The following LIMD1 variants were observed in gnomAD, a reference collection of about 807,000 sequenced individuals.
LIMD1 encodes the protein LIM domain containing 1, also known as LIM domain-containing protein 1.
LIMD1 carries 23 observed loss-of-function variants against 58.4 expected under a neutral mutation model. The ratio of observed to expected loss-of-function variants is 0.39; its 90% CI spans 0.28 to 0.56. LIMD1 has a LOEUF of 0.56. LIMD1 is among the 20% of genes least tolerant of loss of function. LIMD1 has a pLI of 0.57. For missense variants in LIMD1, 838 were observed against 855.5 expected (o/e 0.98, Z 0.25); for synonymous variants, 334 against 345.5 (o/e 0.97, Z 0.37).
At chr3:45,624,855 C>A (rs956389345) in intron 1 of LIMD1, among the ~76,000 whole-genome samples, 1 of 150,644 alleles carries the variant, frequency 6.6e-6, no homozygotes, top group Non-Finnish European at 1.5e-5. Flanking sequence ...AGCCAACTGT[C>A]TTGCTAAGGG....
intron 1 of LIMD1, among the ~76,000 whole-genome samples, chr3:45,631,031 C>T (rs1397283094): frequency 1.3e-5 from 2 of 152,040 alleles, no homozygotes; most frequent in Non-Finnish European, 2.9e-5. Context: ...TGGAGAAACC[C>T]CGTCTCTACT....
intron 1 of LIMD1, among the ~76,000 whole-genome samples, chr3:45,603,464 G>A (rs1410851233): frequency 1.3e-5 from 2 of 151,918 alleles, no homozygotes; most frequent in African/African-American, 2.4e-5. Flanking sequence ...ATATGATGAC[G>A]TGGGGACTGC....
chr3:45,675,939 G>C (rs183410719), intron 7 of LIMD1, among the ~76,000 whole-genome samples: 13 of 152,182 alleles, frequency 8.5e-5, no homozygotes, highest in African/African-American at 3.1e-4. Context: ...GGGTGACACA[G>C]CAAGACCCTG....
At chr3:45,662,000 C>T (rs934813358) in intron 2 of LIMD1, among the ~76,000 whole-genome samples, 1 of 152,190 alleles carries the variant, frequency 6.6e-6, no homozygotes, top group African/African-American at 2.4e-5. Context: ...TCAAGTGATC[C>T]TCCCACCTTG....
At position 45,677,212 on chromosome 3, in the gene LIMD1, C is replaced by G; in HGVS notation, c.*153C>G. 1.3e-6 allele frequency: 1 copy of G among 772,630 alleles called. No homozygotes were observed. Among genetic ancestry groups the G allele is most frequent in the South Asian group, 1.8e-5 (1 of 56,202 alleles). 47.9% of individuals were successfully genotyped at this position (772,630 alleles called of 1,614,324 possible). A position where few individuals can be genotyped will look rare whatever the true frequency, so the allele number is the denominator to read the frequency against. On this transcript the variant is annotated 3_prime_UTR_variant, in exon 8 of 8. Coordinates refer to ENST00000273317, the MANE Select transcript of LIMD1 (RefSeq NM_014240.3). ...ATGTGGGGGGTGCCTTTCCTTTAAC[C>G]AGGGAGGTGAACACTACCTGCCTCC...
chr3:45,608,903 G>A (rs1046315253), intron 1 of LIMD1, among the ~76,000 whole-genome samples: 21 of 151,284 alleles, frequency 1.4e-4, no homozygotes, highest in African/African-American at 5.1e-4. Flanking sequence ...TTAGTGATAA[G>A]GTTCAAAATA....
At chr3:45,635,823 T>A in intron 1 of LIMD1, 1 of 911,172 alleles carries the variant, frequency 1.1e-6, no homozygotes, top group Non-Finnish European at 1.3e-6. Context: ...GTGCAATCTT[T>A]CTGAACTGTC....
At chr3:45,670,227 T>C (rs1697572285) in intron 4 of LIMD1, among the ~76,000 whole-genome samples, 1 of 152,230 alleles carries the variant, frequency 6.6e-6, no homozygotes, top group Non-Finnish European at 1.5e-5. Flanking sequence ...CTACTTCATA[T>C]GAAGTCAACA....
intron 7 of LIMD1, among the ~76,000 whole-genome samples, chr3:45,674,820 G>A (rs1697646769): frequency 6.6e-6 from 1 of 152,128 alleles, no homozygotes; most frequent in East Asian, 1.9e-4. Context: ...GCTGAGCCCT[G>A]GAAATCATGA....
At chr3:45,660,935 CTGA>C (rs1357903993) in intron 2 of LIMD1, among the ~76,000 whole-genome samples, 1 of 152,166 alleles carries the variant, frequency 6.6e-6, no homozygotes, top group Non-Finnish European at 1.5e-5. Context: ...CAAGGGGGTT[CTGA>C]TGATGATCCC....
At chr3:45,598,788 T>C (rs954794419) in intron 1 of LIMD1, among the ~76,000 whole-genome samples, 3 of 152,172 alleles carry the variant, frequency 2.0e-5, no homozygotes, top group African/African-American at 4.8e-5. Context: ...GGCAGGAGAC[T>C]GGACCATGTG....
chr3:45,673,236 A>G (rs927877509), intron 5 of LIMD1, among the ~76,000 whole-genome samples: 1 of 152,168 alleles, frequency 6.6e-6, no homozygotes, highest in Admixed American at 6.5e-5. Flanking sequence ...TGCTGTCCCC[A>G]GAAGAGTGAG....
chr3:45,596,893 G>A (rs1042462335), intron 1 of LIMD1, among the ~76,000 whole-genome samples: 7 of 144,096 alleles, frequency 4.9e-5, no homozygotes, highest in South Asian at 4.3e-4. Flanking sequence ...ATGGAGTCTC[G>A]TTCTGTAGCC....
Position 45,595,561 on chromosome 3 carries a change from A to T in LIMD1, c.682A>T (p.Asn228Tyr), listed in dbSNP as rs749654685. The T allele has an allele frequency of 6.2e-7, 1 of 1,613,912 alleles. No homozygotes were observed. Among genetic ancestry groups the T allele is most frequent in the Non-Finnish European group, 8.5e-7 (1 of 1,179,972 alleles). Residue 228 changes from asparagine (N) to tyrosine (Y), a missense_variant, in exon 1 of 8, where the codon AAT becomes TAT. By Grantham distance (143) the Asn-to-Tyr change is moderately radical. This residue lies in a region of LIMD1 where 659 missense variants were observed against 639.8 expected (regional missense o/e 1.03). Coordinates refer to ENST00000273317, the MANE Select transcript of LIMD1 (RefSeq NM_014240.3). ...LPKPCGDHPL[N>Y]HRQLSLSSSR... Reference sequence around the variant, plus strand: ...CAAACCCTGCGGGGACCATCCCCTAAATCACCGACAGCTCTCCCTGAGCTC... The same window carrying T: ...CAAACCCTGCGGGGACCATCCCCTATATCACCGACAGCTCTCCCTGAGCTC...
Position 45,595,832 on chromosome 3 carries a change from TG to T in LIMD1, c.959del (p.Gly320ValfsTer6). 6.2e-7 allele frequency: 1 copy of T among 1,614,178 alleles called. No individual in the cohort carries two copies. Among genetic ancestry groups the T allele is most frequent in the Non-Finnish European group, 8.5e-7 (1 of 1,180,036 alleles). On this transcript the variant is annotated frameshift_variant, in exon 1 of 8. Transcript: ENST00000273317. LOFTEE classifies it high-confidence loss of function. The stretch of plus-strand genomic sequence containing the variant: ...GGTCTTCCAAGATCAAACTCGGGGC[TG>T]GGGGGTGAGGTTTCAGGTGTGATGT... Reference protein sequence around the residue: ...QGGLPRSNSGLGGEVSGVMSK... With the variant: ...QGGLPRSNSGXGGEVSGVMSK...
At chr3:45,627,612 G>T (rs1438659937) in intron 1 of LIMD1, among the ~76,000 whole-genome samples, 1 of 148,884 alleles carries the variant, frequency 6.7e-6, no homozygotes, top group African/African-American at 2.5e-5. Flanking sequence ...TCAACATAGC[G>T]AGAACCCGTC....
intron 4 of LIMD1, among the ~76,000 whole-genome samples, chr3:45,669,456 A>G (rs559522123): frequency 1.3e-5 from 2 of 152,326 alleles, no homozygotes; most frequent in African/African-American, 4.8e-5. Flanking sequence ...AGAGTAAAAG[A>G]TACTAATCTT....
intron 1 of LIMD1, among the ~76,000 whole-genome samples, chr3:45,626,948 A>C (rs936922261): frequency 1.3e-5 from 2 of 152,092 alleles, no homozygotes; most frequent in African/African-American, 4.8e-5. Flanking sequence ...ATAGGCCAAA[A>C]TGATAAATAT....
At position 45,673,440 on chromosome 3, in the gene LIMD1, G is replaced by A. The variant is rs375823553; in HGVS notation, c.1773-14G>A. 11 of 1,612,920 alleles carry A rather than the reference G, an allele frequency of 6.8e-6. No individual in the cohort carries two copies. The highest frequency in any genetic ancestry group is 8.5e-6 in the Non-Finnish European group (10 of 1,179,166). Reference sequence around the variant, plus strand: ...CAGAAGCAACATTTATTGCTGCTTTGTTTCTCCCCACAGGGTGCTGGCCCC... The same window carrying A: ...CAGAAGCAACATTTATTGCTGCTTTATTTCTCCCCACAGGGTGCTGGCCCC... On this transcript the variant is annotated splice_polypyrimidine_tract_variant and intron_variant, in intron 5 of 7. Coordinates refer to ENST00000273317, the MANE Select transcript of LIMD1 (RefSeq NM_014240.3).
Sources: gnomAD v4.1 joint callset for allele counts (sites outside exome capture counted in the v4.1 genomes callset) on GRCh38, gnomAD v4.1.1 for gene constraint, gnomAD v4.1.1 regional missense constraint, MANE v1.5 for transcripts, NCBI Gene and HGNC (gene_info 2026-07-23, HGNC 2026-07-21) for gene names.